Variants in PTPRD observed in about 807,000 individuals in gnomAD.
PTPRD encodes receptor-type tyrosine-protein phosphatase delta.
A neutral mutation model predicts 214.5 loss-of-function variants in PTPRD; 34 were observed. That is an observed-to-expected ratio of 0.16 (90% CI 0.12 to 0.21). The LOEUF is 0.21. PTPRD is among the 10% of genes least tolerant of loss of function. The probability of loss-of-function intolerance (pLI) is 1.00; values close to 1 mark genes in which losing one functional copy is unlikely to be tolerated. For synonymous variants in PTPRD, 1,128 were observed against 845.7 expected (o/e 1.33, Z -5.79); for missense variants, 2,545 against 2,398.7 (o/e 1.06, Z -1.27).
At chr9:9,382,834 C>A (rs1249896244) in intron 9 of PTPRD, among the ~76,000 whole-genome samples, 1 of 152,036 alleles carries the variant, frequency 6.6e-6, no homozygotes, top group African/African-American at 2.4e-5. Flanking sequence ...ATGAGAATTT[C>A]AGAGATATCT....
chr9:10,139,695 C>A (rs1000625305), intron 3 of PTPRD, among the ~76,000 whole-genome samples: 4 of 152,014 alleles, frequency 2.6e-5, no homozygotes, highest in Non-Finnish European at 4.4e-5. Flanking sequence ...ACCAGACACA[C>A]TGGCCAGTGG....
chr9:10,385,593 T>C (rs2154486735), intron 2 of PTPRD, among the ~76,000 whole-genome samples: 1 of 151,944 alleles, frequency 6.6e-6, no homozygotes, highest in South Asian at 2.1e-4. Flanking sequence ...TGAAGGGCTT[T>C]TTTCTCGGAG....
At chr9:9,345,188 A>T (rs2048335950) in intron 9 of PTPRD, among the ~76,000 whole-genome samples, 1 of 152,166 alleles carries the variant, frequency 6.6e-6, no homozygotes, top group Non-Finnish European at 1.5e-5. Flanking sequence ...ATTCTTTCAT[A>T]TGAATATTCT....
chr9:9,376,585 A>C (rs2060865217), intron 9 of PTPRD, among the ~76,000 whole-genome samples: 1 of 152,178 alleles, frequency 6.6e-6, no homozygotes, highest in South Asian at 2.1e-4. Flanking sequence ...CATTTAATAA[A>C]GTGAAACATT....
intron 9 of PTPRD, among the ~76,000 whole-genome samples, chr9:9,269,568 G>C (rs1016731696): frequency 1.3e-5 from 2 of 151,362 alleles, no homozygotes; most frequent in Non-Finnish European, 3.0e-5. Context: ...GTTGATCACA[G>C]CATTTTTTCC....
rs931705899 is a variant in PTPRD, at chr9:9,211,503, C to T, written c.-202-28140G>A. On this transcript the variant is annotated intron_variant, in intron 9 of 45. Coordinates refer to ENST00000381196, the MANE Select transcript of PTPRD (RefSeq NM_002839.4). ...CTTTCTTTCCTTCCTTCCTCTCCCC[C>T]AGTGTGCGCACGCACACACACACAC... Among the ~76,000 whole-genome samples, 3 of 142,678 alleles carry T rather than the reference C, an allele frequency of 2.1e-5. 1 individual carries two copies. Among genetic ancestry groups the T allele is most frequent in the African/African-American group, 7.9e-5 (3 of 38,114 alleles). 93.6% of individuals were successfully genotyped at this position (142,678 alleles called of 152,430 possible).
At chr9:10,101,295 A>G (rs1308752457) in intron 3 of PTPRD, among the ~76,000 whole-genome samples, 1 of 151,664 alleles carries the variant, frequency 6.6e-6, no homozygotes, top group Non-Finnish European at 1.5e-5. Flanking sequence ...TAGGTGTGAA[A>G]TTTTAAAAAT....
rs574885763 is a variant in PTPRD, at chr9:8,897,296, A to G, written c.-104+121401T>C. Among the ~76,000 whole-genome samples, 11 of 147,746 alleles carry G rather than the reference A, an allele frequency of 7.4e-5. No individual in the cohort carries two copies. The South Asian group carries it at 2.4e-3, about 32-fold the overall frequency. ...CTAAATGAGTGAAAAGACAATAAGC[A>G]TAAGAGAAGTTTACAAAGAGATGTT... On this transcript the variant is annotated intron_variant, in intron 11 of 45. Transcript: ENST00000381196.
At chr9:9,101,188 G>A (rs550113281) in intron 10 of PTPRD, among the ~76,000 whole-genome samples, 2 of 150,996 alleles carry the variant, frequency 1.3e-5, no homozygotes, top group East Asian at 1.9e-4. Context: ...AAACAAACCC[G>A]AAACAAACAA....
intron 8 of PTPRD, among the ~76,000 whole-genome samples, chr9:9,406,920 G>A (rs1245120128): frequency 6.7e-6 from 1 of 149,382 alleles, no homozygotes; most frequent in Non-Finnish European, 1.5e-5. Flanking sequence ...TTATAATGCT[G>A]AGCACTGGAG....
intron 12 of PTPRD, among the ~76,000 whole-genome samples, chr9:8,659,075 A>C (rs1384578391): frequency 1.4e-5 from 1 of 69,554 alleles, no homozygotes; most frequent in Non-Finnish European, 2.7e-5. Flanking sequence ...AAGTAACTGG[A>C]AAAAAAAAAA....
intron 8 of PTPRD, among the ~76,000 whole-genome samples, chr9:9,548,258 T>TACAGACCTAAACCC (rs1285140763): frequency 6.6e-6 from 1 of 151,400 alleles, no homozygotes; most frequent in Non-Finnish European, 1.5e-5. Context: ...ATAGCAAGAA[T>TACAGACCTAAACCC]ACAGACCTAA....
chr9:9,526,084 TA>T (rs956381381), intron 8 of PTPRD, among the ~76,000 whole-genome samples: 10 of 151,430 alleles, frequency 6.6e-5, no homozygotes, highest in African/African-American at 1.2e-4. Context: ...TTTTGAACCT[TA>T]AAAAAAAATA....
intron 2 of PTPRD, among the ~76,000 whole-genome samples, chr9:10,475,654 A>C (rs569046445): frequency 5.9e-5 from 9 of 152,244 alleles, no homozygotes; most frequent in Non-Finnish European, 1.3e-4. Context: ...CCTGATTCCA[A>C]AACCTGGCAG....
intron 4 of PTPRD, among the ~76,000 whole-genome samples, chr9:9,995,148 C>T (rs1367699269): frequency 6.6e-6 from 1 of 152,018 alleles, no homozygotes; most frequent in East Asian, 1.9e-4. Context: ...TTGCCTAAGG[C>T]TATCATTCTA....
At chr9:8,752,463 C>A (rs568449466) in intron 11 of PTPRD, among the ~76,000 whole-genome samples, 102 of 152,344 alleles carry the variant, frequency 6.7e-4, no homozygotes, top group African/African-American at 2.4e-3. Context: ...AAATGGGCAA[C>A]CAGCAGCCCT....
chr9:8,801,176 C>A (rs1566167988), intron 11 of PTPRD, among the ~76,000 whole-genome samples: 1 of 152,098 alleles, frequency 6.6e-6, no homozygotes, highest in Non-Finnish European at 1.5e-5. Flanking sequence ...TCCAAAGGGT[C>A]ACAAAAGTCA....
intron 10 of PTPRD, among the ~76,000 whole-genome samples, chr9:9,074,911 A>G (rs1328689072): frequency 6.6e-6 from 1 of 151,964 alleles, no homozygotes; most frequent in Non-Finnish European, 1.5e-5. Context: ...TTGGGCAAAA[A>G]AAAAAAAGTC....
At chr9:10,431,083 A>G (rs1274012847) in intron 2 of PTPRD, among the ~76,000 whole-genome samples, 1 of 152,012 alleles carries the variant, frequency 6.6e-6, no homozygotes, top group East Asian at 1.9e-4. Flanking sequence ...ATCACAGACA[A>G]TGCAGACATT....
Sources: allele counts gnomAD v4.1 joint callset (sites outside exome capture counted in the v4.1 genomes callset), GRCh38; gene constraint gnomAD v4.1.1; transcripts MANE v1.5; gene names NCBI Gene and HGNC (gene_info 2026-07-23, HGNC 2026-07-21).